SH2D4B: variants seen among roughly 807,000 people sequenced by gnomAD.
SH2D4B encodes SH2 domain-containing protein 4B.
Under a neutral mutation model 61.5 loss-of-function variants are expected in SH2D4B, and 45 were observed. The ratio of observed to expected loss-of-function variants is 0.73; its 90% confidence interval spans 0.58 to 0.94. The LOEUF is 0.94. Ranked by LOEUF, SH2D4B falls within the 40% of genes least tolerant of loss-of-function variation. The probability of loss-of-function intolerance (pLI) is 0.00; values close to 1 mark genes in which losing one functional copy is unlikely to be tolerated. For missense variants in SH2D4B, 572 were observed against 574.2 expected, an observed-to-expected ratio of 1.00 and a Z score of 0.04; for synonymous variants, 224 against 220.4, an observed-to-expected ratio of 1.02 and a Z score of -0.14.
rs1841531268 is a variant in SH2D4B, at chr10:80,538,272, C to G, written c.-60C>G. The G allele has an allele frequency of 7.8e-7, 1 of 1,274,304 alleles. No individual in the cohort carries two copies. The highest frequency in any genetic ancestry group is 1.5e-5 in the African/African-American group (1 of 64,656). 78.9% of individuals were successfully genotyped at this position (1,274,304 alleles called of 1,614,324 possible). A position where few individuals can be genotyped will look rare whatever the true frequency, so the allele number is the denominator to read the frequency against. The stretch of plus-strand genomic sequence containing the variant: ...AGTGCAGAGCAGCCCCTCGGGCGTT[C>G]TGCCTGGCCCTGCTTCCCCTGCTGG... On this transcript the variant is annotated 5_prime_UTR_variant, in exon 1 of 8. Transcript: ENST00000646907. This position sits in a 1 kb window ranked among gnomAD's most constrained non-coding sequence, Gnocchi z 4.8.
chr10:80,612,124 A>G (rs142881898), intron 6 of SH2D4B, among the ~76,000 whole-genome samples: 62 of 147,274 alleles, frequency 4.2e-4, no homozygotes, highest in African/African-American at 1.5e-3. Flanking sequence ...TTATTTTTAT[A>G]TATTGCCTTT....
At chr10:80,638,466 C>T (rs1840228840) in intron 7 of SH2D4B, among the ~76,000 whole-genome samples, 1 of 152,114 alleles carries the variant, frequency 6.6e-6, no homozygotes, top group South Asian at 2.1e-4. Context: ...ATTTCAGAGC[C>T]TGTTATTGGT....
At chr10:80,601,608 G>A (rs539870529) in intron 4 of SH2D4B, among the ~76,000 whole-genome samples, 2 of 152,312 alleles carry the variant, frequency 1.3e-5, no homozygotes, top group South Asian at 4.1e-4. Flanking sequence ...GGAGTTCACA[G>A]CCTAGTGGAT....
chr10:80,538,306 C>G lies in SH2D4B; in HGVS notation c.-26C>G. The G allele has an allele frequency of 1.5e-6, 2 of 1,296,508 alleles. No individual in the cohort carries two copies. The highest frequency in any genetic ancestry group is 5.2e-5 in the South Asian group (2 of 38,278). 80.3% of individuals were successfully genotyped at this position (1,296,508 alleles called of 1,614,324 possible). ...CCTGCTTCCCCTGCTGGCTGCCCTT[C>G]TGGTGCGTGCATCCCAGGTGGCATC... On this transcript the variant is annotated 5_prime_UTR_variant, in exon 1 of 8. Coordinates refer to ENST00000646907, the MANE Select transcript of SH2D4B (RefSeq NM_001388272.1). This position sits in a 1 kb window ranked among gnomAD's most constrained non-coding sequence, Gnocchi z 4.8.
chr10:80,602,167 A>G (rs566767470), intron 4 of SH2D4B, among the ~76,000 whole-genome samples: 2 of 152,304 alleles, frequency 1.3e-5, no homozygotes, highest in East Asian at 3.9e-4. Context: ...AGGAGCACAA[A>G]AAGATGGAAG....
intron 6 of SH2D4B, among the ~76,000 whole-genome samples, chr10:80,618,973 T>C (rs961931105): frequency 1.3e-5 from 2 of 152,226 alleles, no homozygotes; most frequent in African/African-American, 2.4e-5. Flanking sequence ...TCTGAAAGTA[T>C]ACTTACAATG....
At chr10:80,595,182 A>G (rs1842371739) in intron 4 of SH2D4B, among the ~76,000 whole-genome samples, 1 of 152,222 alleles carries the variant, frequency 6.6e-6, no homozygotes, top group Non-Finnish European at 1.5e-5. Context: ...CTGGCAGACC[A>G]AGGGCTGTGT....
intron 6 of SH2D4B, among the ~76,000 whole-genome samples, chr10:80,621,638 G>T (rs1842718088): frequency 6.6e-6 from 1 of 152,214 alleles, no homozygotes; most frequent in African/African-American, 2.4e-5. Context: ...AGAGCTCACA[G>T]CCTTGGGAGG....
At chr10:80,619,009 A>G (rs1413333866) in intron 6 of SH2D4B, among the ~76,000 whole-genome samples, 2 of 152,178 alleles carry the variant, frequency 1.3e-5, no homozygotes, top group Non-Finnish European at 2.9e-5. Flanking sequence ...GGTGCAGCTG[A>G]TTAGTGCCCA....
intron 1 of SH2D4B, among the ~76,000 whole-genome samples, chr10:80,562,117 C>A (rs1012998783): frequency 2.0e-5 from 3 of 152,020 alleles, no homozygotes; most frequent in Non-Finnish European, 2.9e-5. Context: ...AGCCCCCATC[C>A]CCTAGTAACA....
chr10:80,608,854 C>G (rs1379555385), intron 5 of SH2D4B, among the ~76,000 whole-genome samples: 1 of 152,186 alleles, frequency 6.6e-6, no homozygotes, highest in African/African-American at 2.4e-5. Flanking sequence ...TCTCTGTTCA[C>G]TGCCCTGGTT....
At chr10:80,619,896 C>T (rs1280211413) in intron 6 of SH2D4B, among the ~76,000 whole-genome samples, 1 of 152,206 alleles carries the variant, frequency 6.6e-6, no homozygotes, top group Non-Finnish European at 1.5e-5. Flanking sequence ...GGCACACTTC[C>T]GTTTTGCAGA....
At chr10:80,583,792 G>A (rs1842212584) in intron 3 of SH2D4B, among the ~76,000 whole-genome samples, 1 of 152,104 alleles carries the variant, frequency 6.6e-6, no homozygotes, top group African/African-American at 2.4e-5. Context: ...AATTAGAAGA[G>A]AAGAAATTAT....
intron 5 of SH2D4B, chr10:80,607,401 A>C (rs1842532352): frequency 6.6e-6 from 1 of 152,298 alleles, no homozygotes; most frequent in Non-Finnish European, 1.5e-5. Context: ...GACTGGGAAC[A>C]CAGGCTGGCT....
At chr10:80,576,959 G>T (rs1295878767) in intron 3 of SH2D4B, among the ~76,000 whole-genome samples, 1 of 152,136 alleles carries the variant, frequency 6.6e-6, no homozygotes, top group African/African-American at 2.4e-5. Context: ...GTAGAGACAG[G>T]TTTCACCATG....
chr10:80,643,930 T>G, intron 7 of SH2D4B, 63 bp from the exon 8 acceptor site: 1 of 1,281,116 alleles, frequency 7.8e-7, no homozygotes, highest in Non-Finnish European at 1.1e-6. Flanking sequence ...ACTCTCTCTC[T>G]CTCATAGATG....
At chr10:80,554,773 G>A (rs576826068) in intron 1 of SH2D4B, among the ~76,000 whole-genome samples, 1 of 152,248 alleles carries the variant, frequency 6.6e-6, no homozygotes, top group East Asian at 1.9e-4. Context: ...ACTTTGGGAG[G>A]CCGAGGCGGG....
intron 6 of SH2D4B, among the ~76,000 whole-genome samples, chr10:80,631,333 T>A (rs1842831701): frequency 6.6e-6 from 1 of 152,220 alleles, no homozygotes; most frequent in Non-Finnish European, 1.5e-5. Context: ...ACTGCAGCCT[T>A]GAATTCCTGG....
chr10:80,639,513 T>C (rs1840251330), intron 7 of SH2D4B, among the ~76,000 whole-genome samples: 1 of 152,334 alleles, frequency 6.6e-6, no homozygotes, highest in African/African-American at 2.4e-5. Context: ...TCTTGTTGAA[T>C]TGATCCCTTT....
Sources: allele counts gnomAD v4.1 joint callset (sites outside exome capture counted in the v4.1 genomes callset), GRCh38; gene constraint gnomAD v4.1.1; non-coding constraint Gnocchi (gnomAD v3.1); transcripts MANE v1.5; gene names NCBI Gene and HGNC (gene_info 2026-07-23, HGNC 2026-07-21).